Variants in CELF3 observed in about 807,000 individuals in gnomAD.
CELF3 encodes CAG repeat domain.
In CELF3, 26 loss-of-function variants were observed where a neutral mutation model predicts 59.6. The observed-to-expected ratio is 0.44, with a 90% CI of 0.32 to 0.61. The LOEUF (loss-of-function observed/expected upper bound fraction) is 0.61. Ranked by LOEUF, CELF3 falls within the 20% of genes least tolerant of loss-of-function variation. The pLI, the probability that CELF3 is intolerant of heterozygous loss-of-function variation, is 0.06. For synonymous variants in CELF3, 245 were observed against 250.7 expected (o/e 0.98, Z 0.22); for missense variants, 387 against 627.2 (o/e 0.62, Z 4.09).
Position 151,707,070 on chromosome 1 carries a change from G to T in CELF3, c.922+75C>A. The stretch of plus-strand genomic sequence containing the variant: ...TGTACCCCCAAAGCTGGGAGGGAAG[G>T]TGTGTCCTGCCTCCCTAATGGGAGT... On this transcript the variant is annotated intron_variant, in intron 8 of 12. Transcript: ENST00000290583. The T allele has an allele frequency of 5.1e-6, 7 of 1,379,878 alleles. No homozygotes were observed. The South Asian group carries it at 1.1e-4, about 23-fold the overall frequency. 85.5% of individuals were successfully genotyped at this position (1,379,878 alleles called of 1,614,324 possible). A position where few individuals can be genotyped will look rare whatever the true frequency, so the allele number is the denominator to read the frequency against.
In CELF3 at chr1:151,706,366, G is replaced by C; in HGVS notation, c.989-5C>G. On this transcript the variant is annotated splice_region_variant and splice_polypyrimidine_tract_variant and intron_variant, in intron 9 of 12. Transcript: ENST00000290583. ...TGTAGGCTGCTGGGTAGGCTGCTGG[G>C]GTGGGGAGAAGAGAGAGGCTGATGG... 1 of 1,545,124 alleles carries C rather than the reference G, an allele frequency of 6.5e-7. No individual in the cohort carries two copies. The highest frequency in any genetic ancestry group is 8.7e-7 in the Non-Finnish European group (1 of 1,143,586).
chr1:151,716,137 C>A lies in CELF3; in HGVS notation c.-117G>T. On this transcript the variant is annotated 5_prime_UTR_variant, in exon 1 of 13. Coordinates refer to ENST00000290583, the MANE Select transcript of CELF3 (RefSeq NM_007185.7). ...GGGGGCCCAGCTGGGGCTGGCTTTC[C>A]CTTTGGCCCCCAACCACGCTGCTAA... 9.3e-7 allele frequency: 1 copy of A among 1,071,016 alleles called. No homozygotes were observed. Among genetic ancestry groups the A allele is most frequent in the Admixed American group, 2.9e-5 (1 of 34,652 alleles). 66.3% of individuals were successfully genotyped at this position (1,071,016 alleles called of 1,614,324 possible). A position where few individuals can be genotyped will look rare whatever the true frequency, so the allele number is the denominator to read the frequency against.
rs746806614 is a variant in CELF3, at chr1:151,707,652, G to A, written c.631-4C>T. 26 of 1,605,438 alleles carry A rather than the reference G, an allele frequency of 1.6e-5. No individual in the cohort carries two copies. In the South Asian group the frequency reaches 2.1e-4, roughly 13 times the overall value. On this transcript the variant is annotated splice_polypyrimidine_tract_variant and splice_region_variant and intron_variant, in intron 6 of 12. Coordinates refer to ENST00000290583, the MANE Select transcript of CELF3 (RefSeq NM_007185.7). ...GGGCCGCCTGCTGCTGCATCAGCTG[G>A]GGGGAGGGGAGAGGAGAGTGGGGCA...
chr1:151,700,426 G>A lies in CELF3; in HGVS notation c.*3033C>T, dbSNP rs1671998962. On this transcript the variant is annotated 3_prime_UTR_variant, in exon 13 of 13. Transcript: ENST00000290583. ...TAGTAACTGGGAATGAAAAGACATG[G>A]GAGAAAAGGGACCAAACTTGCCTAG... Among the ~76,000 whole-genome samples the A allele has an allele frequency of 6.6e-6, 1 of 152,188 alleles. No homozygotes were observed. The highest frequency in any genetic ancestry group is 2.4e-5 in the African/African-American group (1 of 41,430).
intron 12 of CELF3, among the ~76,000 whole-genome samples, chr1:151,703,707 A>C (rs1273790942): frequency 6.6e-6 from 1 of 152,134 alleles, no homozygotes; most frequent in Non-Finnish European, 1.5e-5. Context: ...TAGATAGCCC[A>C]TGAGAAAAAT....
Position 151,716,390 on chromosome 1 carries a change from A to C in CELF3, c.-370T>G. ...AGAGGGCTGGGAACTGGGAGTTGAG[A>C]TGAGAGCTGGAGGCGGGGAAAGGGC... is the stretch of plus-strand genomic sequence containing the variant. On this transcript the variant is annotated 5_prime_UTR_variant, in exon 1 of 13. Transcript: ENST00000290583. 3.7e-6 allele frequency: 1 copy of C among 270,820 alleles called. No individual in the cohort carries two copies. Among genetic ancestry groups the C allele is most frequent in the Non-Finnish European group, 7.2e-6 (1 of 138,572 alleles). 16.8% of individuals were successfully genotyped at this position (270,820 alleles called of 1,614,324 possible). A position where few individuals can be genotyped will look rare whatever the true frequency, so the allele number is the denominator to read the frequency against.
rs2102764351 is a variant in CELF3, at chr1:151,702,528, C to A, written c.*931G>T. 6.7e-6 allele frequency: 1 copy of A among 148,676 alleles called. No homozygotes were observed. Among genetic ancestry groups the A allele is most frequent in the South Asian group, 2.2e-4 (1 of 4,604 alleles). 9.2% of individuals were successfully genotyped at this position (148,676 alleles called of 1,614,324 possible). On this transcript the variant is annotated 3_prime_UTR_variant, in exon 13 of 13. Coordinates refer to ENST00000290583, the MANE Select transcript of CELF3 (RefSeq NM_007185.7). ...TGACTCCCCGGTCTCCCCTTACCAC[C>A]CCCACCCCCACCCCATTTTCTTTTC...
rs992799565 is a variant in CELF3, at chr1:151,709,575, G to A, written c.277+168C>T. The A allele has an allele frequency of 2.5e-5, 23 of 919,944 alleles. No individual in the cohort carries two copies. Among genetic ancestry groups the A allele is most frequent in the Non-Finnish European group, 3.4e-5 (20 of 587,368 alleles). 57.0% of individuals were successfully genotyped at this position (919,944 alleles called of 1,614,324 possible). On this transcript the variant is annotated intron_variant, in intron 3 of 12. Transcript: ENST00000290583. This position sits in a 1 kb window ranked among gnomAD's most constrained non-coding sequence, Gnocchi z 4.9. Reference sequence around the variant, plus strand: ...GGCCTCAGTTTTGCCATCTGTACCCGCCCCAGATCTCACCCGCTCTGGCCA... The same window carrying A: ...GGCCTCAGTTTTGCCATCTGTACCCACCCCAGATCTCACCCGCTCTGGCCA...
At position 151,702,141 on chromosome 1, in the gene CELF3, G is replaced by C. The variant is rs983329904; in HGVS notation, c.*1318C>G. On this transcript the variant is annotated 3_prime_UTR_variant, in exon 13 of 13. Coordinates refer to ENST00000290583, the MANE Select transcript of CELF3 (RefSeq NM_007185.7). Reference sequence around the variant, plus strand: ...CAAGTCCTCAGCCTTCAGAGGGACAGAGCTGGATACAGGGGAGAGCCCCCG... The same window carrying C: ...CAAGTCCTCAGCCTTCAGAGGGACACAGCTGGATACAGGGGAGAGCCCCCG... 6.6e-6 allele frequency among the ~76,000 whole-genome samples: 1 copy of C among 152,248 alleles called. No individual in the cohort carries two copies. Among genetic ancestry groups the C allele is most frequent in the Non-Finnish European group, 1.5e-5 (1 of 68,048 alleles).
rs757481476 is a variant in CELF3, at chr1:151,707,132, CAG to C, written c.922+11_922+12del. ...TGGTTGCTGGGACGGAGTGGGCAGG[CAG>C]AGAGTCCCACCTGGGTAGGGGTGAA... On this transcript the variant is annotated intron_variant, in intron 8 of 12. Coordinates refer to ENST00000290583, the MANE Select transcript of CELF3 (RefSeq NM_007185.7). 1.3e-4 allele frequency: 184 copies of C among 1,471,582 alleles called. No homozygotes were observed. Among genetic ancestry groups the C allele is most frequent in the Non-Finnish European group, 1.5e-4 (171 of 1,114,010 alleles). The allele number at this position is 1,471,582 out of a possible 1,614,324, so 91.2% of individuals were successfully genotyped here. A position where few individuals can be genotyped will look rare whatever the true frequency, so the allele number is the denominator to read the frequency against.
In CELF3 at chr1:151,707,792, G is replaced by C; in HGVS notation, c.630C>G (p.Ala210=). The stretch of plus-strand genomic sequence containing the variant: ...GCCCGGCATCAGGGGCAGTGCTCAC[G>C]GCCTGGGTGTAGGCGCTGTAGGCTC... ...QFGAYSAYTQ[A]LMQQQAALVA... The change falls in exon 6 of 13, where the codon GCC becomes GCG. Residue 210 remains alanine, a splice_region_variant and synonymous_variant. Coordinates refer to ENST00000290583, the MANE Select transcript of CELF3 (RefSeq NM_007185.7). The C allele has an allele frequency of 1.2e-6, 2 of 1,612,166 alleles. No individual in the cohort carries two copies. Among genetic ancestry groups the C allele is most frequent in the Admixed American group, 1.7e-5 (1 of 59,940 alleles).
chr1:151,705,016 C>T lies in CELF3; in HGVS notation c.*10+15G>A, dbSNP rs372579492. On this transcript the variant is annotated intron_variant, in intron 12 of 12. Coordinates refer to ENST00000290583, the MANE Select transcript of CELF3 (RefSeq NM_007185.7). This position sits in a 1 kb window ranked among gnomAD's most constrained non-coding sequence, Gnocchi z 5.1. The stretch of plus-strand genomic sequence containing the variant: ...GTGAAGCTGGGGAGGGAGGCCACAA[C>T]GGAGCGGGACCCACCTGGGGGCCCT... The T allele has an allele frequency of 4.8e-5, 77 of 1,598,698 alleles. No individual in the cohort carries two copies. The highest frequency in any genetic ancestry group is 4.4e-4 in the African/African-American group (33 of 74,788).
At chr1:151,704,166 G>A (rs1256724211) in intron 12 of CELF3, among the ~76,000 whole-genome samples, 2 of 152,012 alleles carry the variant, frequency 1.3e-5, no homozygotes, top group Non-Finnish European at 2.9e-5. Context: ...TGGGGGCTTC[G>A]GCCGACAATG....
chr1:151,705,866 G>C lies in CELF3; in HGVS notation c.1226C>G (p.Ala409Gly). Residue 409 changes from alanine to glycine, a missense_variant, in exon 11 of 13, where the codon GCC (alanine) becomes GGC (glycine). Physicochemically the swap from Ala to Gly is moderately conservative, Grantham distance 60. Transcript: ENST00000290583. This position sits in a 1 kb window ranked among gnomAD's most constrained non-coding sequence, Gnocchi z 5.1. ...MFVPFGHVIS[A>G]KVFVDRATNQ... ...GGTGGCTCGGTCAACAAAGACTTTG[G>C]CTGAGATGACGTGGCCAAAGGGGAC... The C allele has an allele frequency of 6.2e-7, 1 of 1,614,172 alleles. No individual in the cohort carries two copies. The highest frequency in any genetic ancestry group is 2.2e-5 in the East Asian group (1 of 44,880).
intron 5 of CELF3, chr1:151,708,217 G>C: frequency 2.6e-6 from 1 of 379,474 alleles, no homozygotes; most frequent in East Asian, 4.5e-5. Flanking sequence ...ACTCTGTGAG[G>C]ACTCTGAACT....
chr1:151,703,034 G>C lies in CELF3; in HGVS notation c.*425C>G, dbSNP rs530194542. ...AAGAAACCCCTAATGTGGGGAAGAG[G>C]CTGGGGTGAGGGTGAGCTGGGAGTG... On this transcript the variant is annotated 3_prime_UTR_variant, in exon 13 of 13. Coordinates refer to ENST00000290583, the MANE Select transcript of CELF3 (RefSeq NM_007185.7). 5.7e-4 allele frequency: 219 copies of C among 381,800 alleles called. No homozygotes were observed. Among genetic ancestry groups the C allele is most frequent in the African/African-American group, 4.4e-3 (210 of 47,696 alleles). The allele number at this position is 381,800 out of a possible 1,614,324, so 23.7% of individuals were successfully genotyped here.
chr1:151,709,644 T>A lies in CELF3; in HGVS notation c.277+99A>T. ...CGCAGCTGGGAACTCTTCAGAATCA[T>A]CAGGCTTTCTCCCTCAAGAAAGGCT... is the stretch of plus-strand genomic sequence containing the variant. On this transcript the variant is annotated intron_variant, in intron 3 of 12. Coordinates refer to ENST00000290583, the MANE Select transcript of CELF3 (RefSeq NM_007185.7). This position sits in a 1 kb window ranked among gnomAD's most constrained non-coding sequence, Gnocchi z 4.9. 1 of 1,242,836 alleles carries A rather than the reference T, an allele frequency of 8.0e-7. No homozygotes were observed. Among genetic ancestry groups the A allele is most frequent in the East Asian group, 2.3e-5 (1 of 43,066 alleles). 77.0% of individuals were successfully genotyped at this position (1,242,836 alleles called of 1,614,324 possible). A position where few individuals can be genotyped will look rare whatever the true frequency, so the allele number is the denominator to read the frequency against.
chr1:151,706,068 C>G (rs1672492052), intron 10 of CELF3, 103 bp from the exon 11 acceptor site: 5 of 1,589,032 alleles, frequency 3.1e-6, no homozygotes, highest in Non-Finnish European at 4.3e-6. Context: ...GCCCTCCAGT[C>G]CCAGTCCTTG....
intron 9 of CELF3, 107 bp from the exon 10 acceptor site, chr1:151,706,468 G>A: frequency 7.8e-7 from 1 of 1,284,406 alleles, no homozygotes; most frequent in South Asian, 1.4e-5. Context: ...CACCTGCAGG[G>A]CTGAGAGGTG....
Sources: gnomAD v4.1 joint callset for allele counts (sites outside exome capture counted in the v4.1 genomes callset) on GRCh38, gnomAD v4.1.1 for gene constraint, Gnocchi (gnomAD v3.1) non-coding constraint, MANE v1.5 for transcripts, NCBI Gene and HGNC (gene_info 2026-07-23, HGNC 2026-07-21) for gene names.